GALNT13: variants seen among roughly 807,000 people sequenced by gnomAD.
GALNT13 encodes UDP-GalNAc:polypeptide N-acetylgalactosaminyltransferase 13.
In GALNT13, 28 loss-of-function variants were observed where a neutral mutation model predicts 64.2. The ratio of observed to expected loss-of-function variants is 0.44; its 90% confidence interval spans 0.32 to 0.60. GALNT13 has a LOEUF of 0.60. Among genes scored for constraint, GALNT13 ranks in the 20% least tolerant of loss-of-function variants. The pLI, the probability that GALNT13 is intolerant of heterozygous loss-of-function variation, is 0.05. For synonymous variants in GALNT13, 214 were observed against 224.6 expected (o/e 0.95, Z 0.42); for missense variants, 577 against 669.8 (o/e 0.86, Z 1.53).
chr2:153,110,441 G>T, the GALNT13 span, among the ~76,000 whole-genome samples: 2 of 152,118 alleles, frequency 1.3e-5, no homozygotes, highest in Admixed American at 1.3e-4. Flanking sequence ...TGAAAACGCT[G>T]TTCTTTTAGT....
chr2:153,800,333 T>A, the GALNT13 span, among the ~76,000 whole-genome samples: 1 of 152,298 alleles, frequency 6.6e-6, no homozygotes, highest in East Asian at 1.9e-4. Context: ...CATCTGAGCC[T>A]TCAGTTAGTT....
chr2:153,203,664 T>C, the GALNT13 span, among the ~76,000 whole-genome samples: 1 of 152,198 alleles, frequency 6.6e-6, no homozygotes, highest in African/African-American at 2.4e-5. Flanking sequence ...CATTGAACAG[T>C]TGCCTAAGAC....
At chr2:153,428,275 G>C in the GALNT13 span, among the ~76,000 whole-genome samples, 1 of 152,170 alleles carries the variant, frequency 6.6e-6, no homozygotes, top group African/African-American at 2.4e-5. Flanking sequence ...TGGCTTCCTG[G>C]TGAGGCCTAG....
chr2:153,498,683 T>C, the GALNT13 span, among the ~76,000 whole-genome samples: 1 of 152,138 alleles, frequency 6.6e-6, no homozygotes, highest in African/African-American at 2.4e-5. Flanking sequence ...TCCAAAGAGG[T>C]TGTCACAGCC....
At chr2:153,842,473 G>T in the GALNT13 span, among the ~76,000 whole-genome samples, 1 of 151,926 alleles carries the variant, frequency 6.6e-6, no homozygotes, top group South Asian at 2.1e-4. Flanking sequence ...GAGTAAGGGT[G>T]AACTAGAAAC....
the GALNT13 span, among the ~76,000 whole-genome samples, chr2:153,244,401 C>T: frequency 6.6e-6 from 1 of 152,194 alleles, no homozygotes; most frequent in Non-Finnish European, 1.5e-5. Flanking sequence ...CTGCAGCTCC[C>T]ATTGAGACCA....
At chr2:154,366,786 G>A (rs2105299692) in intron 9 of GALNT13, among the ~76,000 whole-genome samples, 1 of 152,258 alleles carries the variant, frequency 6.6e-6, no homozygotes, top group South Asian at 2.1e-4. Context: ...CCAGAGAAGA[G>A]GGAAGGCGGA....
chr2:153,377,689 T>A, the GALNT13 span, among the ~76,000 whole-genome samples: 1 of 152,144 alleles, frequency 6.6e-6, no homozygotes, highest in African/African-American at 2.4e-5. Flanking sequence ...TGCAGAACCA[T>A]GAGCCAAATA....
At chr2:153,178,204 A>C in the GALNT13 span, among the ~76,000 whole-genome samples, 1 of 152,172 alleles carries the variant, frequency 6.6e-6, no homozygotes, top group Non-Finnish European at 1.5e-5. Context: ...ACTGACTTCA[A>C]ATCTTTTGGG....
intron 3 of GALNT13, among the ~76,000 whole-genome samples, chr2:153,986,209 T>C (rs1387298163): frequency 1.3e-5 from 2 of 152,004 alleles, no homozygotes; most frequent in Non-Finnish European, 2.9e-5. Context: ...TGCATTAACA[T>C]GGAGAAGGTT....
At chr2:154,345,136 A>G (rs1040517997) in intron 9 of GALNT13, among the ~76,000 whole-genome samples, 4 of 152,004 alleles carry the variant, frequency 2.6e-5, no homozygotes, top group Admixed American at 1.3e-4. Context: ...GCTTTGAAAA[A>G]GACCTTAGAT....
At chr2:153,499,075 TCTC>T in the GALNT13 span, among the ~76,000 whole-genome samples, 1 of 152,088 alleles carries the variant, frequency 6.6e-6, no homozygotes, top group African/African-American at 2.4e-5. Flanking sequence ...CTCGATCTGA[TCTC>T]CTTACCTCGT....
At chr2:153,992,431 G>A (rs530109628) in intron 3 of GALNT13, among the ~76,000 whole-genome samples, 2 of 152,214 alleles carry the variant, frequency 1.3e-5, no homozygotes, top group South Asian at 2.1e-4. Flanking sequence ...ATGCATGTTG[G>A]CACTTTACTG....
At chr2:153,840,170 A>T in the GALNT13 span, among the ~76,000 whole-genome samples, 1 of 152,148 alleles carries the variant, frequency 6.6e-6, no homozygotes, top group Non-Finnish European at 1.5e-5. Context: ...TAAACAAACT[A>T]ACACATAGTT....
At chr2:153,980,377 G>A (rs898712403) in intron 3 of GALNT13, among the ~76,000 whole-genome samples, 19 of 152,182 alleles carry the variant, frequency 1.2e-4, no homozygotes, top group Non-Finnish European at 2.5e-4. Context: ...AGGAAGACCC[G>A]TTAGGAGATA....
chr2:153,814,125 A>G, the GALNT13 span, among the ~76,000 whole-genome samples: 7 of 152,210 alleles, frequency 4.6e-5, no homozygotes, highest in African/African-American at 1.7e-4. Context: ...CGCATCACCG[A>G]TCACTTCTTT....
At chr2:153,646,124 C>T in the GALNT13 span, among the ~76,000 whole-genome samples, 1 of 152,020 alleles carries the variant, frequency 6.6e-6, no homozygotes, top group African/African-American at 2.4e-5. Context: ...TACAACTTAA[C>T]TCAGGAATTC....
chr2:153,082,789 A>T, the GALNT13 span, among the ~76,000 whole-genome samples: 3 of 145,422 alleles, frequency 2.1e-5, no homozygotes, highest in South Asian at 2.1e-4. Flanking sequence ...GAATAAATAA[A>T]ATATATATTA....
chr2:153,495,546 A>G, the GALNT13 span, among the ~76,000 whole-genome samples: 1 of 152,238 alleles, frequency 6.6e-6, no homozygotes, highest in Non-Finnish European at 1.5e-5. Context: ...AATTCAAAAA[A>G]GTACTCAAAA....
Sources: gnomAD v4.1 joint callset for allele counts (sites outside exome capture counted in the v4.1 genomes callset) on GRCh38, gnomAD v4.1.1 for gene constraint, MANE v1.5 for transcripts, NCBI Gene and HGNC (gene_info 2026-07-23, HGNC 2026-07-21) for gene names.